Variants in ABCB4 observed in about 807,000 individuals in gnomAD.
The protein encoded by ABCB4 is ATP binding cassette subfamily B member 4, also known as phosphatidylcholine translocator ABCB4.
In ABCB4, 76 loss-of-function variants were observed where a neutral mutation model predicts 145.7. That is an observed-to-expected ratio of 0.52 (90% CI 0.43 to 0.63). The LOEUF is 0.63. ABCB4 is among the 30% of genes least tolerant of loss of function. The pLI, the probability that ABCB4 is intolerant of heterozygous loss-of-function variation, is 0.00. For synonymous variants in ABCB4, 517 were observed against 566.8 expected, an observed-to-expected ratio of 0.91 and a Z score of 1.25; for missense variants, 1,234 against 1,553.1, an observed-to-expected ratio of 0.79 and a Z score of 3.45.
intron 4 of ABCB4, among the ~76,000 whole-genome samples, chr7:87,458,185 G>T (rs1201563901): frequency 6.6e-6 from 1 of 152,146 alleles, no homozygotes; most frequent in Non-Finnish European, 1.5e-5. Context: ...GAATTTTCTA[G>T]ACTATTATAG....
At chr7:87,403,802 G>A (rs568337326) in intron 26 of ABCB4, among the ~76,000 whole-genome samples, 19 of 152,302 alleles carry the variant, frequency 1.2e-4, no homozygotes, top group Admixed American at 9.8e-4. Context: ...TGTAACACAG[G>A]ACTGTAGTAG....
chr7:87,422,520 C>A (rs1809520668), intron 17 of ABCB4, among the ~76,000 whole-genome samples: 1 of 152,188 alleles, frequency 6.6e-6, no homozygotes, highest in African/African-American at 2.4e-5. Flanking sequence ...ACTGACTCCC[C>A]ATTCCCTCCT....
the ABCB4 span, chr7:87,391,799 T>G: frequency 9.9e-6 from 13 of 1,318,406 alleles, no homozygotes; most frequent in Middle Eastern, 2.1e-4. Context: ...CTTCTTTGCT[T>G]CAGTTTTCCT....
intron 16 of ABCB4, among the ~76,000 whole-genome samples, chr7:87,426,299 C>T (rs768582309): frequency 6.6e-6 from 1 of 151,986 alleles, no homozygotes; most frequent in Non-Finnish European, 1.5e-5. Context: ...CTGTTCTAGC[C>T]CTGGGTTTTT....
At chr7:87,392,760 T>C in the ABCB4 span, 1 of 1,613,800 alleles carries the variant, frequency 6.2e-7, no homozygotes, top group Non-Finnish European at 8.5e-7. Flanking sequence ...GGTCTCTTAC[T>C]CATAGCAAAA....
chr7:87,393,514 G>A, the ABCB4 span, among the ~76,000 whole-genome samples: 1 of 152,204 alleles, frequency 6.6e-6, no homozygotes, highest in Non-Finnish European at 1.5e-5. Context: ...CACTTGGGCT[G>A]TGTGGAGTTT....
downstream of ABCB4, chr7:87,398,276 C>T (rs1268541358): frequency 1.6e-6 from 1 of 638,920 alleles, no homozygotes; most frequent in Admixed American, 2.1e-5. Context: ...AGCTTCAGAG[C>T]ACTCTAGGGC....
chr7:87,443,404 G>A lies in ABCB4; in HGVS notation c.1271C>T (p.Thr424Met), dbSNP rs145811290. 2.7e-5 allele frequency: 44 copies of A among 1,613,814 alleles called. No homozygotes were observed. The highest frequency in any genetic ancestry group is 8.0e-5 in the African/African-American group (6 of 74,868). The change falls in exon 12 of 28, where the codon ACG becomes ATG. Residue 424 changes from threonine to methionine, a missense_variant. Thr to Met is a moderately conservative substitution (Grantham distance 81, BLOSUM62 -1). This residue lies in a region of ABCB4 where 467 missense variants were observed against 632.8 expected (regional missense o/e 0.74). Transcript: ENST00000649586. ...GLNLKVQSGQ[T>M]VALVGSSGCG... ...GCCACTACTTCCAACCAGGGCCACC[G>A]TCTGCCCACTCTGCACCTTCAGGTT...
At chr7:87,409,506 C>A in intron 23 of ABCB4, 114 bp from the exon 24 acceptor site, 1 of 1,015,690 alleles carries the variant, frequency 9.8e-7, no homozygotes, top group Non-Finnish European at 1.5e-6. Flanking sequence ...CTTAATCATC[C>A]CCTTTCTCCC....
chr7:87,383,774 G>A, the ABCB4 span, among the ~76,000 whole-genome samples: 1 of 152,098 alleles, frequency 6.6e-6, no homozygotes, highest in Non-Finnish European at 1.5e-5. Flanking sequence ...TGGGATTAGA[G>A]GTGTGAGCCA....
chr7:87,381,323 T>C, the ABCB4 span, among the ~76,000 whole-genome samples: 1 of 152,206 alleles, frequency 6.6e-6, no homozygotes, highest in South Asian at 2.1e-4. Context: ...TTTCTTTCTC[T>C]AAATACACCT....
At chr7:87,394,446 C>T in the ABCB4 span, among the ~76,000 whole-genome samples, 1 of 151,880 alleles carries the variant, frequency 6.6e-6, no homozygotes, top group Non-Finnish European at 1.5e-5. Context: ...AGAGAAAAGT[C>T]ATGACATTAC....
intron 13 of ABCB4, 62 bp from the exon 14 acceptor site, chr7:87,439,899 T>C: frequency 6.3e-7 from 1 of 1,598,606 alleles, no homozygotes. Context: ...CTAGGAATTC[T>C]ATAGAACTAC....
intron 6 of ABCB4, chr7:87,452,311 C>T: frequency 5.4e-6 from 1 of 184,064 alleles, no homozygotes; most frequent in South Asian, 1.2e-4. Context: ...TGCCATTTCA[C>T]TGGGTGAAAG....
At chr7:87,407,332 G>A (rs1808273275) in intron 25 of ABCB4, among the ~76,000 whole-genome samples, 1 of 152,172 alleles carries the variant, frequency 6.6e-6, no homozygotes, top group Non-Finnish European at 1.5e-5. Flanking sequence ...TAATAGCAAA[G>A]CAGAAGATTT....
the ABCB4 span, among the ~76,000 whole-genome samples, chr7:87,378,787 G>A: frequency 3.5e-3 from 539 of 152,306 alleles, 5 homozygotes; most frequent in African/African-American, 0.012. Flanking sequence ...TTGGAATCTA[G>A]TGGGTAGAAT....
intron 2 of ABCB4, among the ~76,000 whole-genome samples, chr7:87,473,642 T>G (rs560479050): frequency 5.3e-5 from 8 of 152,328 alleles, no homozygotes; most frequent in African/African-American, 1.9e-4. Flanking sequence ...GTTAATTACC[T>G]TCTAACATTG....
At chr7:87,455,949 A>T (rs545042603) in intron 4 of ABCB4, among the ~76,000 whole-genome samples, 1 of 152,338 alleles carries the variant, frequency 6.6e-6, no homozygotes, top group Admixed American at 6.5e-5. Flanking sequence ...TTCCCCCAGG[A>T]TTATAATTTC....
intron 25 of ABCB4, 159 bp from the exon 26 acceptor site, chr7:87,406,653 A>G (rs1041512114): frequency 2.6e-6 from 2 of 774,332 alleles, no homozygotes; most frequent in Non-Finnish European, 4.1e-6. Context: ...AGCATGGCCA[A>G]CATGATGATT....
Sources: allele counts gnomAD v4.1 joint callset (sites outside exome capture counted in the v4.1 genomes callset), GRCh38; gene constraint gnomAD v4.1.1; regional missense constraint gnomAD v4.1.1; transcripts MANE v1.5; gene names NCBI Gene and HGNC (gene_info 2026-07-23, HGNC 2026-07-21).